TAF4B: variants seen among roughly 807,000 people sequenced by gnomAD.
The protein encoded by TAF4B is TATA-box binding protein associated factor 4b, also known as transcription initiation factor TFIID subunit 4B.
A neutral mutation model predicts 86.4 loss-of-function variants in TAF4B; 38 were observed. The ratio of observed to expected loss-of-function variants is 0.44; its 90% CI spans 0.34 to 0.58. The LOEUF (loss-of-function observed/expected upper bound fraction) is 0.58. TAF4B is among the 20% of genes least tolerant of loss of function. The pLI is 0.02. For synonymous variants in TAF4B, 388 were observed against 391.2 expected (o/e 0.99, Z 0.10); for missense variants, 988 against 1,027.6 (o/e 0.96, Z 0.53).
intron 1 of TAF4B, among the ~76,000 whole-genome samples, chr18:26,260,052 T>G (rs2056142316): frequency 6.6e-6 from 1 of 152,198 alleles, no homozygotes; most frequent in Non-Finnish European, 1.5e-5. Context: ...GAGCATTTTT[T>G]CATGTGTCTT....
chr18:26,242,730 T>G, intron 1 of TAF4B, among the ~76,000 whole-genome samples: 1 of 152,262 alleles, frequency 6.6e-6, no homozygotes, highest in Non-Finnish European at 1.5e-5. Flanking sequence ...TACTGGTTGT[T>G]CCTTGCTGTG....
chr18:26,294,481 C>T (rs1035671677), intron 9 of TAF4B, among the ~76,000 whole-genome samples: 12 of 150,548 alleles, frequency 8.0e-5, no homozygotes, highest in African/African-American at 1.9e-4. Context: ...TGGTTTCTTA[C>T]GATCAAGTGT....
chr18:26,387,098 C>T (rs532381104), intron 14 of TAF4B, among the ~76,000 whole-genome samples: 1 of 152,252 alleles, frequency 6.6e-6, no homozygotes, highest in East Asian at 1.9e-4. Context: ...CAGAGTCTCA[C>T]TCTGTCACCC....
At chr18:26,265,364 T>G in intron 2 of TAF4B, 49 bp downstream of exon 2, 1 of 1,540,622 alleles carries the variant, frequency 6.5e-7, no homozygotes, top group Non-Finnish European at 8.7e-7. Context: ...TCAGCTATAA[T>G]TTTCATATAA....
intron 7 of TAF4B, among the ~76,000 whole-genome samples, chr18:26,290,277 C>T (rs895989267): frequency 6.6e-6 from 1 of 152,068 alleles, no homozygotes; most frequent in African/African-American, 2.4e-5. Context: ...GTAGCTAGGA[C>T]TACAGGTGCA....
At chr18:26,346,759 G>GTATATATATA (rs1189521252) in intron 13 of TAF4B, among the ~76,000 whole-genome samples, 13 of 27,132 alleles carry the variant, frequency 4.8e-4, no homozygotes, top group Middle Eastern at 0.031. Context: ...ATATATGTGT[G>GTATATATATA]TATATATATA....
At chr18:26,377,251 T>C (rs2144366140) in intron 14 of TAF4B, among the ~76,000 whole-genome samples, 1 of 152,250 alleles carries the variant, frequency 6.6e-6, no homozygotes, top group Admixed American at 6.5e-5. Flanking sequence ...GAAGTATTGG[T>C]GTTAATTCTT....
At chr18:26,231,355 T>G (rs867739901) in intron 1 of TAF4B, among the ~76,000 whole-genome samples, 27 of 136,116 alleles carry the variant, frequency 2.0e-4, no homozygotes, top group Admixed American at 1.7e-3. Context: ...GTTTTTTTTT[T>G]TTTTTTTTTT....
At chr18:26,243,402 A>G (rs1482582640) in intron 1 of TAF4B, among the ~76,000 whole-genome samples, 1 of 152,042 alleles carries the variant, frequency 6.6e-6, no homozygotes, top group Non-Finnish European at 1.5e-5. Flanking sequence ...TGCATCACGT[A>G]GTTCTCGTGC....
chr18:26,371,621 T>C (rs1454732133), intron 14 of TAF4B, among the ~76,000 whole-genome samples: 1 of 152,226 alleles, frequency 6.6e-6, no homozygotes, highest in East Asian at 1.9e-4. Flanking sequence ...AGATCTTTGA[T>C]ATTGGCTAGG....
chr18:26,237,310 G>T (rs146026604), intron 1 of TAF4B, among the ~76,000 whole-genome samples: 98 of 152,310 alleles, frequency 6.4e-4, no homozygotes, highest in African/African-American at 2.3e-3. Flanking sequence ...CTCCAAGTGA[G>T]GTTGAAGGTT....
At chr18:26,376,401 A>G (rs1287510278) in intron 14 of TAF4B, among the ~76,000 whole-genome samples, 1 of 151,806 alleles carries the variant, frequency 6.6e-6, no homozygotes, top group Non-Finnish European at 1.5e-5. Flanking sequence ...CACTAGTTAA[A>G]TTTTTTCCTA....
At chr18:26,257,646 T>G (rs979564436) in intron 1 of TAF4B, among the ~76,000 whole-genome samples, 1 of 152,212 alleles carries the variant, frequency 6.6e-6, no homozygotes, top group Non-Finnish European at 1.5e-5. Context: ...TCTTTTGTAT[T>G]AAGCAAATAT....
intron 7 of TAF4B, among the ~76,000 whole-genome samples, chr18:26,291,556 A>C (rs1157470567): frequency 6.6e-6 from 1 of 151,834 alleles, no homozygotes; most frequent in East Asian, 1.9e-4. Flanking sequence ...AAAATACAAA[A>C]ATTAGCCAGG....
chr18:26,327,006 T>A lies in TAF4B; in HGVS notation c.2134-9T>A, dbSNP rs2057009716. 6.2e-7 allele frequency: 1 copy of A among 1,610,716 alleles called. No homozygotes were observed. Among genetic ancestry groups the A allele is most frequent in the African/African-American group, 1.3e-5 (1 of 74,794 alleles). On this transcript the variant is annotated splice_polypyrimidine_tract_variant and intron_variant, in intron 11 of 14. Transcript: ENST00000269142. The stretch of plus-strand genomic sequence containing the variant: ...ATTATAAGACTTTCTGTTTTCTTTT[T>A]TTTCCCAGGCAAGTGAAAATTACAT...
intron 9 of TAF4B, among the ~76,000 whole-genome samples, chr18:26,298,045 A>C (rs1417294068): frequency 1.1e-5 from 1 of 88,496 alleles, no homozygotes. Context: ...CCCGCCCCCC[A>C]CCCCTCCAAT....
intron 12 of TAF4B, among the ~76,000 whole-genome samples, chr18:26,329,197 A>G (rs2057032353): frequency 6.6e-6 from 1 of 152,104 alleles, no homozygotes; most frequent in Non-Finnish European, 1.5e-5. Context: ...AGCTGGGACT[A>G]CACGCACACA....
intron 13 of TAF4B, 133 bp downstream of exon 13, chr18:26,335,364 C>A: frequency 1.4e-6 from 1 of 734,752 alleles, no homozygotes; most frequent in Non-Finnish European, 2.4e-6. Flanking sequence ...ACAGGAACTG[C>A]TAAAGGCAAG....
At chr18:26,297,790 G>T (rs1298210450) in intron 9 of TAF4B, among the ~76,000 whole-genome samples, 1 of 152,128 alleles carries the variant, frequency 6.6e-6, no homozygotes, top group Non-Finnish European at 1.5e-5. Flanking sequence ...GATAAAGCTT[G>T]CTGGGAACAC....
Sources: gnomAD v4.1 joint callset for allele counts (sites outside exome capture counted in the v4.1 genomes callset) on GRCh38, gnomAD v4.1.1 for gene constraint, MANE v1.5 for transcripts, NCBI Gene and HGNC (gene_info 2026-07-23, HGNC 2026-07-21) for gene names.